The following ZNF385B variants were observed in gnomAD, a reference collection of about 807,000 sequenced individuals.
ZNF385B encodes the protein zinc finger protein 533.
A neutral mutation model predicts 39.2 loss-of-function variants in ZNF385B; 23 were observed. That is an observed-to-expected ratio of 0.59 (90% CI 0.42 to 0.83). The LOEUF is 0.83. Ranked by LOEUF, ZNF385B falls within the 40% of genes least tolerant of loss-of-function variation. The pLI is 0.00. For synonymous variants in ZNF385B, 205 were observed against 222.6 expected (o/e 0.92, Z 0.70); for missense variants, 552 against 598.9 (o/e 0.92, Z 0.82).
At chr2:179,637,515 A>G (rs1691869886) in intron 3 of ZNF385B, among the ~76,000 whole-genome samples, 1 of 151,552 alleles carries the variant, frequency 6.6e-6, no homozygotes, top group East Asian at 1.9e-4. Context: ...AAAAGTCTTT[A>G]ATTTAGTATT....
intron 3 of ZNF385B, among the ~76,000 whole-genome samples, chr2:179,630,847 C>T (rs1193240426): frequency 6.6e-6 from 1 of 152,146 alleles, no homozygotes; most frequent in African/African-American, 2.4e-5. Context: ...AGCTGAAAAC[C>T]ATGGCATGAG....
chr2:179,854,562 C>T (rs1374979174), intron 1 of ZNF385B, among the ~76,000 whole-genome samples: 3 of 152,114 alleles, frequency 2.0e-5, no homozygotes, highest in Non-Finnish European at 1.5e-5. Flanking sequence ...AAGCTGAGCC[C>T]TGGCTTGAAA....
intron 1 of ZNF385B, among the ~76,000 whole-genome samples, chr2:179,789,170 G>C (rs1182994508): frequency 6.6e-6 from 1 of 151,992 alleles, no homozygotes; most frequent in Non-Finnish European, 1.5e-5. Context: ...AAAAACCCTG[G>C]AAAATAGTGA....
intron 3 of ZNF385B, chr2:179,745,668 A>G (rs2106459381): frequency 2.0e-6 from 3 of 1,489,498 alleles, no homozygotes; most frequent in Non-Finnish European, 1.8e-6. Context: ...TCTGTTACTG[A>G]CATCCCAGAC....
intron 1 of ZNF385B, among the ~76,000 whole-genome samples, chr2:179,825,463 T>A (rs1438833834): frequency 2.0e-5 from 3 of 152,200 alleles, no homozygotes; most frequent in African/African-American, 7.2e-5. Context: ...GTCTAAAATG[T>A]GTTACTACAG....
intron 9 of ZNF385B, 114 bp downstream of exon 9, chr2:179,444,762 A>T: frequency 1.1e-6 from 1 of 869,846 alleles, no homozygotes. Context: ...TATGAGGGCT[A>T]TTTAAATTTG....
chr2:179,767,342 T>C (rs1394248963), intron 3 of ZNF385B, among the ~76,000 whole-genome samples: 3 of 152,108 alleles, frequency 2.0e-5, no homozygotes, highest in African/African-American at 7.2e-5. Flanking sequence ...TTTCTATCCT[T>C]CTATGGTTTC....
intron 3 of ZNF385B, among the ~76,000 whole-genome samples, chr2:179,729,358 A>T (rs1157140672): frequency 6.6e-6 from 1 of 152,150 alleles, no homozygotes; most frequent in East Asian, 1.9e-4. Flanking sequence ...CTAGTAGTAA[A>T]TTCCAAGGAA....
rs1283452603 is a variant in ZNF385B, at chr2:179,446,683, G to C, written c.803C>G (p.Pro268Arg). 1.2e-6 allele frequency: 2 copies of C among 1,613,990 alleles called. No homozygotes were observed. Among genetic ancestry groups the C allele is most frequent in the Admixed American group, 1.7e-5 (1 of 60,004 alleles). The change falls in exon 7 of 10, where the codon CCC becomes CGC. Residue 268 changes from proline to arginine, a missense_variant. Transcript: ENST00000410066. ...AGAAGTGGCTGCTCCAGGTGGCAGGGGTGTTGTGCCAGATTTGAGGAGAAA... is the reference window on the plus strand; with the variant it reads ...AGAAGTGGCTGCTCCAGGTGGCAGGCGTGTTGTGCCAGATTTGAGGAGAAA... ...GSFLLKSGTT[P>R]LPPGAATSPS...
At chr2:179,498,566 A>C (rs1010780522) in intron 5 of ZNF385B, among the ~76,000 whole-genome samples, 2 of 152,036 alleles carry the variant, frequency 1.3e-5, no homozygotes, top group East Asian at 3.8e-4. Flanking sequence ...ATGGAAATTA[A>C]ACAATATGTT....
chr2:179,814,594 T>C (rs1706944854), intron 1 of ZNF385B: 6 of 690,166 alleles, frequency 8.7e-6, no homozygotes, highest in East Asian at 4.9e-5. Context: ...GTCGACATCA[T>C]AGAGACCGTG....
chr2:179,493,785 A>ATATATGTATACATATATGTATATGCATC lies in ZNF385B; in HGVS notation c.553-10352_553-10351insGATGCATATACATATATGTATACATATA, dbSNP rs2055808226. Among the ~76,000 whole-genome samples, 2 of 109,222 alleles carry ATATATGTATACATATATGTATATGCATC rather than the reference A, an allele frequency of 1.8e-5. 1 individual carries two copies. The allele number at this position is 109,222 out of a possible 152,430, so 71.7% of individuals were successfully genotyped here. A position where few individuals can be genotyped will look rare whatever the true frequency, so the allele number is the denominator to read the frequency against. ...TATGTATACATATATGTATATACACATATGTATACATATATGTATATATAC... is the reference window on the plus strand; with the variant it reads ...TATGTATACATATATGTATATACACATATATGTATACATATATGTATATGCATCTATGTATACATATATGTATATATAC... On this transcript the variant is annotated intron_variant, in intron 5 of 9. Coordinates refer to ENST00000410066, the MANE Select transcript of ZNF385B (RefSeq NM_152520.6).
intron 3 of ZNF385B, among the ~76,000 whole-genome samples, chr2:179,732,305 A>C (rs1456194069): frequency 2.0e-5 from 3 of 152,190 alleles, no homozygotes; most frequent in African/African-American, 7.2e-5. Context: ...CTCTTTATAG[A>C]TTCACAAACA....
At chr2:179,501,263 A>C (rs889669104) in intron 5 of ZNF385B, among the ~76,000 whole-genome samples, 1 of 152,212 alleles carries the variant, frequency 6.6e-6, no homozygotes, top group Non-Finnish European at 1.5e-5. Context: ...GAAGGAAATC[A>C]GTACATCATA....
At chr2:179,777,816 A>C (rs1424326119) in intron 1 of ZNF385B, among the ~76,000 whole-genome samples, 1 of 146,568 alleles carries the variant, frequency 6.8e-6, no homozygotes, top group Admixed American at 6.9e-5. Context: ...TCCGCTGCCC[A>C]GGCTGGCAGG....
intron 3 of ZNF385B, among the ~76,000 whole-genome samples, chr2:179,548,737 C>A (rs1297246229): frequency 6.7e-6 from 1 of 149,110 alleles, no homozygotes; most frequent in African/African-American, 2.5e-5. Context: ...CATCAGATCT[C>A]ATGAGACTTA....
chr2:179,454,874 A>G (rs73035320), intron 6 of ZNF385B, among the ~76,000 whole-genome samples: 6,612 of 152,316 alleles, frequency 0.043, 480 homozygotes, highest in African/African-American at 0.15. Context: ...GTTTAAAAAC[A>G]TTTGGAGTTT....
At chr2:179,726,389 T>C (rs1468084047) in intron 3 of ZNF385B, among the ~76,000 whole-genome samples, 1 of 152,050 alleles carries the variant, frequency 6.6e-6, no homozygotes, top group South Asian at 2.1e-4. Context: ...TATAATTATA[T>C]AAGTTTGGAA....
chr2:179,696,468 A>G (rs2106354778), intron 3 of ZNF385B, among the ~76,000 whole-genome samples: 1 of 151,708 alleles, frequency 6.6e-6, no homozygotes, highest in South Asian at 2.1e-4. Flanking sequence ...ATCAGTTCTA[A>G]TAGCTATACT....
Sources: allele counts gnomAD v4.1 joint callset (sites outside exome capture counted in the v4.1 genomes callset), GRCh38; gene constraint gnomAD v4.1.1; transcripts MANE v1.5; gene names NCBI Gene and HGNC (gene_info 2026-07-23, HGNC 2026-07-21).